Variants in RBFOX1 observed in about 807,000 individuals in gnomAD.
The protein encoded by RBFOX1 is RNA binding protein fox-1 homolog 1.
In RBFOX1, 8 loss-of-function variants were observed where a neutral mutation model predicts 57.7. The observed-to-expected ratio is 0.14, with a 90% CI of 0.08 to 0.25. The LOEUF (loss-of-function observed/expected upper bound fraction) is 0.25, where lower values mean the gene tolerates loss of function less well. RBFOX1 is among the 10% of genes least tolerant of loss of function. The pLI is 1.00. For synonymous variants in RBFOX1, 326 were observed against 222.4 expected, an observed-to-expected ratio of 1.47 and a Z score of -4.15; for missense variants, 611 against 548.5, an observed-to-expected ratio of 1.11 and a Z score of -1.14.
chr16:6,752,273 A>G (rs1335908116), intron 3 of RBFOX1, among the ~76,000 whole-genome samples: 3 of 152,224 alleles, frequency 2.0e-5, no homozygotes, highest in African/African-American at 7.2e-5. Flanking sequence ...TCGAAGTGAT[A>G]GATTGAAATG....
chr16:7,600,342 C>T (rs1378291283), intron 9 of RBFOX1, among the ~76,000 whole-genome samples: 1 of 152,144 alleles, frequency 6.6e-6, no homozygotes, highest in Non-Finnish European at 1.5e-5. Flanking sequence ...TTATGGAGAA[C>T]TTTGGTGTTC....
intron 3 of RBFOX1, among the ~76,000 whole-genome samples, chr16:6,892,775 C>CCTCTCTCTCTCTCTCTCTCTCTCTCTCT (rs750285832): frequency 1.2e-5 from 1 of 84,658 alleles, no homozygotes; most frequent in African/African-American, 5.1e-5. Context: ...TCCCTGTCTC[C>CCTCTCTCTCTCTCTCTCTCTCTCTCTCT]CTCTCTCTCT....
At chr16:5,286,543 C>T (rs543610959) in intron 1 of RBFOX1, among the ~76,000 whole-genome samples, 3 of 152,150 alleles carry the variant, frequency 2.0e-5, no homozygotes, top group African/African-American at 7.2e-5. Flanking sequence ...AGCATATGTC[C>T]TATTAATACA....
intron 2 of RBFOX1, among the ~76,000 whole-genome samples, chr16:6,516,457 C>T (rs2096380125): frequency 6.6e-6 from 1 of 152,072 alleles, no homozygotes; most frequent in Non-Finnish European, 1.5e-5. Context: ...CACTCAACAG[C>T]CCCTGTTGTT....
At chr16:5,441,399 G>A (rs921774903) in intron 1 of RBFOX1, among the ~76,000 whole-genome samples, 6 of 142,162 alleles carry the variant, frequency 4.2e-5, no homozygotes, top group Admixed American at 3.6e-4. Flanking sequence ...GAGTCTCGCA[G>A]TGTCACCTAG....
At chr16:7,628,832 C>T (rs546556431) in intron 10 of RBFOX1, among the ~76,000 whole-genome samples, 3 of 152,040 alleles carry the variant, frequency 2.0e-5, no homozygotes, top group Non-Finnish European at 2.9e-5. Flanking sequence ...AGGCTGGTCT[C>T]GAACTCCTAA....
At position 7,333,165 on chromosome 16, in the gene RBFOX1, A is replaced by G. The variant is rs950584903; in HGVS notation, c.28-184982A>G. ...AATAATTGGAATTTTTATGGTTGAG[A>G]AAGCAAACACTTTTAATACAGGAAA... is the stretch of plus-strand genomic sequence containing the variant. On this transcript the variant is annotated intron_variant, in intron 4 of 15. Coordinates refer to ENST00000550418, the MANE Select transcript of RBFOX1 (RefSeq NM_018723.4). 9.4e-6 allele frequency: 13 copies of G among 1,380,648 alleles called. 1 individual carries two copies. The highest frequency in any genetic ancestry group is 5.1e-5 in the Admixed American group (3 of 58,862). The allele number at this position is 1,380,648 out of a possible 1,614,324, so 85.5% of individuals were successfully genotyped here. A position where few individuals can be genotyped will look rare whatever the true frequency, so the allele number is the denominator to read the frequency against.
chr16:7,236,840 T>G (rs565255162), intron 4 of RBFOX1, among the ~76,000 whole-genome samples: 1 of 152,314 alleles, frequency 6.6e-6, no homozygotes, highest in South Asian at 2.1e-4. Flanking sequence ...CAGCAAAGAC[T>G]AGGTTCACTG....
Position 5,761,707 on chromosome 16 carries a change from C to T in RBFOX1, c.319-105596C>T, listed in dbSNP as rs144153625. Among the ~76,000 whole-genome samples the T allele has an allele frequency of 2.5e-3, 380 of 152,260 alleles. 3 individuals carry two copies. The highest frequency in any genetic ancestry group is 3.8e-3 in the Non-Finnish European group (260 of 68,018). ...CCAGCACACATAGGAATTATGGGAG[C>T]TATAATTCAAGATGACATTTGGGTG... On this transcript the variant is annotated intron_variant, in intron 3 of 19. Transcript: ENST00000641259.
At chr16:6,831,698 C>G (rs1011615102) in intron 3 of RBFOX1, among the ~76,000 whole-genome samples, 4 of 152,114 alleles carry the variant, frequency 2.6e-5, no homozygotes, top group Non-Finnish European at 4.4e-5. Context: ...TTATTTTTAA[C>G]TCTTTGCCCC....
intron 3 of RBFOX1, among the ~76,000 whole-genome samples, chr16:6,845,117 C>T (rs1031986605): frequency 6.7e-6 from 1 of 149,236 alleles, no homozygotes; most frequent in African/African-American, 2.5e-5. Context: ...ACATTGTCTG[C>T]CATTCTGTGG....
At chr16:6,240,901 C>T (rs1424804447) in intron 1 of RBFOX1, among the ~76,000 whole-genome samples, 3 of 152,138 alleles carry the variant, frequency 2.0e-5, no homozygotes, top group South Asian at 2.1e-4. Flanking sequence ...TCCCATTGAC[C>T]TCTCCCTGTT....
chr16:7,625,124 CA>C (rs147819949), intron 10 of RBFOX1, among the ~76,000 whole-genome samples: 521 of 152,074 alleles, frequency 3.4e-3, no homozygotes, highest in Non-Finnish European at 5.7e-3. Context: ...ATGCAGCCTG[CA>C]AAAAACCTGG....
At chr16:6,461,790 G>A (rs574555674) in intron 2 of RBFOX1, among the ~76,000 whole-genome samples, 1 of 152,162 alleles carries the variant, frequency 6.6e-6, no homozygotes, top group African/African-American at 2.4e-5. Context: ...CTATCTTTGT[G>A]CTTATGTAGG....
intron 4 of RBFOX1, among the ~76,000 whole-genome samples, chr16:7,292,207 CAT>C (rs566140235): frequency 2.0e-3 from 195 of 98,562 alleles, no homozygotes; most frequent in Non-Finnish European, 2.7e-3. Context: ...TATTATATAT[CAT>C]ATATATGATA....
At chr16:6,617,042 G>A (rs760528249) in intron 2 of RBFOX1, among the ~76,000 whole-genome samples, 8 of 151,982 alleles carry the variant, frequency 5.3e-5, no homozygotes, top group Non-Finnish European at 5.9e-5. Context: ...GTTGATTACC[G>A]GTATACAGTG....
intron 4 of RBFOX1, among the ~76,000 whole-genome samples, chr16:5,913,271 T>C (rs1169166673): frequency 6.6e-6 from 1 of 152,178 alleles, no homozygotes; most frequent in Non-Finnish European, 1.5e-5. Flanking sequence ...ACCCCTACCA[T>C]GTATGGGTTG....
At chr16:6,240,776 T>A (rs1203773750) in intron 1 of RBFOX1, among the ~76,000 whole-genome samples, 1 of 152,154 alleles carries the variant, frequency 6.6e-6, no homozygotes, top group African/African-American at 2.4e-5. Context: ...TTTGGACTTT[T>A]CTATTCCATT....
intron 2 of RBFOX1, among the ~76,000 whole-genome samples, chr16:5,578,478 C>T (rs1378927980): frequency 6.6e-6 from 1 of 152,202 alleles, no homozygotes; most frequent in African/African-American, 2.4e-5. Context: ...AAAACCCCAT[C>T]CACGGTCTGA....
Sources: allele counts gnomAD v4.1 joint callset (sites outside exome capture counted in the v4.1 genomes callset), GRCh38; gene constraint gnomAD v4.1.1; transcripts MANE v1.5; gene names NCBI Gene and HGNC (gene_info 2026-07-23, HGNC 2026-07-21).